The following ULK4 variants were observed in gnomAD, a reference collection of about 807,000 sequenced individuals.
ULK4 encodes inactive serine/threonine-protein kinase ULK4.
Under a neutral mutation model 160.6 loss-of-function variants are expected in ULK4, and 133 were observed. The ratio of observed to expected loss-of-function variants is 0.83; its 90% CI spans 0.72 to 0.96. The LOEUF is 0.96. Ranked by LOEUF, ULK4 falls within the 40% of genes least tolerant of loss-of-function variation. The pLI, the probability that ULK4 is intolerant of heterozygous loss-of-function variation, is 0.00. For synonymous variants in ULK4, 534 were observed against 539.8 expected, an observed-to-expected ratio of 0.99 and a Z score of 0.15; for missense variants, 1,580 against 1,499.5, an observed-to-expected ratio of 1.05 and a Z score of -0.89.
intron 21 of ULK4, among the ~76,000 whole-genome samples, chr3:41,780,950 C>A (rs1049028799): frequency 2.0e-5 from 3 of 151,776 alleles, no homozygotes; most frequent in Non-Finnish European, 2.9e-5. Flanking sequence ...GTTTTGTTAA[C>A]CCTTTACCTA....
At chr3:41,523,619 A>C (rs1370065647) in intron 32 of ULK4, among the ~76,000 whole-genome samples, 2 of 152,236 alleles carry the variant, frequency 1.3e-5, no homozygotes, top group Non-Finnish European at 2.9e-5. Flanking sequence ...ACAATTGAAA[A>C]GACAGATAAT....
At chr3:41,491,973 C>G (rs1157566803) in intron 32 of ULK4, among the ~76,000 whole-genome samples, 1 of 146,280 alleles carries the variant, frequency 6.8e-6, no homozygotes, top group Non-Finnish European at 1.5e-5. Context: ...TGAATGAGAA[C>G]ATGTGGTGTT....
intron 30 of ULK4, among the ~76,000 whole-genome samples, chr3:41,630,941 TG>T (rs1166649762): frequency 3.3e-5 from 5 of 152,226 alleles, no homozygotes; most frequent in African/African-American, 1.2e-4. Flanking sequence ...AAAGCTTTTT[TG>T]TTTACATAAT....
At chr3:41,265,010 A>G (rs2079005427) in intron 35 of ULK4, among the ~76,000 whole-genome samples, 5 of 152,186 alleles carry the variant, frequency 3.3e-5, no homozygotes. Flanking sequence ...CCTCAGAGAA[A>G]CCACCATAAA....
chr3:41,822,872 C>T (rs2041194316), intron 18 of ULK4, among the ~76,000 whole-genome samples: 1 of 151,758 alleles, frequency 6.6e-6, no homozygotes, highest in Non-Finnish European at 1.5e-5. Flanking sequence ...CAGGCGCCCA[C>T]CACCACACCC....
At chr3:41,356,725 G>A (rs571385749) in intron 35 of ULK4, among the ~76,000 whole-genome samples, 22 of 152,262 alleles carry the variant, frequency 1.4e-4, no homozygotes, top group South Asian at 2.1e-4. Flanking sequence ...TTCTGGTTAG[G>A]ATGTTTCACA....
chr3:41,288,167 AC>A (rs2079497199), intron 35 of ULK4, among the ~76,000 whole-genome samples: 1 of 152,164 alleles, frequency 6.6e-6, no homozygotes, highest in Non-Finnish European at 1.5e-5. Context: ...AAATTCACAA[AC>A]AAAAAAATTT....
chr3:41,723,559 A>C (rs1381734536), intron 22 of ULK4, among the ~76,000 whole-genome samples: 1 of 152,198 alleles, frequency 6.6e-6, no homozygotes, highest in African/African-American at 2.4e-5. Flanking sequence ...TAAAACCAAC[A>C]GTGAGGAAAG....
chr3:41,604,812 A>G (rs2032294734), intron 31 of ULK4, among the ~76,000 whole-genome samples: 1 of 152,090 alleles, frequency 6.6e-6, no homozygotes, highest in African/African-American at 2.4e-5. Context: ...CTACCCGTGG[A>G]CTTTCTTTCT....
chr3:41,352,788 C>A (rs12635573), intron 35 of ULK4, among the ~76,000 whole-genome samples: 1 of 152,116 alleles, frequency 6.6e-6, no homozygotes, highest in Non-Finnish European at 1.5e-5. Flanking sequence ...CAGGAGAGTG[C>A]GTGGCTTGCA....
intron 32 of ULK4, among the ~76,000 whole-genome samples, chr3:41,501,096 A>T (rs2085187967): frequency 6.6e-6 from 1 of 152,200 alleles, no homozygotes; most frequent in Non-Finnish European, 1.5e-5. Context: ...AAATAGATTG[A>T]CAATTCATAA....
At chr3:41,647,565 G>A (rs1180083518) in intron 30 of ULK4, among the ~76,000 whole-genome samples, 3 of 152,216 alleles carry the variant, frequency 2.0e-5, no homozygotes, top group African/African-American at 7.2e-5. Flanking sequence ...TTTTGTCTCA[G>A]AGGAGTACTG....
At chr3:41,455,708 T>C (rs1211189164) in intron 33 of ULK4, 113 bp from the exon 34 acceptor site, 3 of 840,908 alleles carry the variant, frequency 3.6e-6, no homozygotes, top group South Asian at 3.1e-5. Flanking sequence ...GCATTCTACC[T>C]CAGTTCCCAA....
intron 32 of ULK4, among the ~76,000 whole-genome samples, chr3:41,470,033 A>AAC (rs2083942035): frequency 3.4e-5 from 5 of 146,204 alleles, no homozygotes; most frequent in South Asian, 2.2e-4. Flanking sequence ...AAAAAAAAAA[A>AAC]AAAAAAAAAA....
At chr3:41,472,575 A>G (rs1427265846) in intron 32 of ULK4, among the ~76,000 whole-genome samples, 1 of 141,490 alleles carries the variant, frequency 7.1e-6, no homozygotes, top group African/African-American at 2.9e-5. Context: ...AAAAAAAAGA[A>G]AAAAAAAAAA....
intron 33 of ULK4, among the ~76,000 whole-genome samples, chr3:41,456,854 T>A (rs1463106455): frequency 6.6e-6 from 1 of 152,228 alleles, no homozygotes; most frequent in African/African-American, 2.4e-5. Flanking sequence ...CTTCTGCACT[T>A]CTGGCCTATG....
At chr3:41,933,119 T>C (rs1300409468) in intron 4 of ULK4, among the ~76,000 whole-genome samples, 2 of 152,206 alleles carry the variant, frequency 1.3e-5, no homozygotes, top group African/African-American at 2.4e-5. Context: ...AGGATGTCTG[T>C]TGGTCTACAA....
chr3:41,800,390 T>A, intron 19 of ULK4, 97 bp from the exon 20 acceptor site: 2 of 1,241,760 alleles, frequency 1.6e-6, no homozygotes, highest in East Asian at 2.5e-5. Context: ...ACCAAGACAG[T>A]AACATGCCTC....
At chr3:41,344,192 C>A (rs2080749290) in intron 35 of ULK4, among the ~76,000 whole-genome samples, 1 of 152,176 alleles carries the variant, frequency 6.6e-6, no homozygotes, top group Non-Finnish European at 1.5e-5. Context: ...ACCATTTGAT[C>A]TTCGACAAAC....
Sources: gnomAD v4.1 joint callset for allele counts (sites outside exome capture counted in the v4.1 genomes callset) on GRCh38, gnomAD v4.1.1 for gene constraint, MANE v1.5 for transcripts, NCBI Gene and HGNC (gene_info 2026-07-23, HGNC 2026-07-21) for gene names.